Variants in CAPN5 observed in about 807,000 individuals in gnomAD.
CAPN5 encodes calpain-5.
In CAPN5, 54 loss-of-function variants were observed where a neutral mutation model predicts 73.0. The ratio of observed to expected loss-of-function variants is 0.74; its 90% CI spans 0.59 to 0.93. The LOEUF is 0.93. Ranked by LOEUF, CAPN5 falls within the 40% of genes least tolerant of loss-of-function variation. CAPN5 has a pLI of 0.00. For missense variants in CAPN5, 785 were observed against 882.9 expected (o/e 0.89, Z 1.41); for synonymous variants, 335 against 356.9 (o/e 0.94, Z 0.69).
At chr11:77,085,275 AC>A (rs1950074048) in intron 2 of CAPN5, among the ~76,000 whole-genome samples, 1 of 152,058 alleles carries the variant, frequency 6.6e-6, no homozygotes, top group Non-Finnish European at 1.5e-5. Context: ...CCAGGCCTTC[AC>A]CCTCTCAGGG....
Position 77,123,984 on chromosome 11 carries a change from G to C in CAPN5, c.*114G>C, listed in dbSNP as rs1428332687. 1.0e-6 allele frequency: 1 copy of C among 985,322 alleles called. No individual in the cohort carries two copies. Among genetic ancestry groups the C allele is most frequent in the African/African-American group, 1.6e-5 (1 of 61,674 alleles). 61.0% of individuals were successfully genotyped at this position (985,322 alleles called of 1,614,324 possible). On this transcript the variant is annotated 3_prime_UTR_variant, in exon 13 of 13. Coordinates refer to ENST00000648180, the MANE Select transcript of CAPN5 (RefSeq NM_004055.5). ...GGGGTCCTTTTCCCACTCTTCCACT[G>C]ACTTGCTGTGTGACCTTAGGAAGTC... is the stretch of plus-strand genomic sequence containing the variant.
chr11:77,118,850 C>G (rs1296094577), intron 8 of CAPN5, among the ~76,000 whole-genome samples, 180 bp from the exon 9 acceptor site: 1 of 152,234 alleles, frequency 6.6e-6, no homozygotes, highest in Non-Finnish European at 1.5e-5. Flanking sequence ...GTTTCCCCAG[C>G]CTTCATGCAG....
At chr11:77,078,951 A>G (rs146652092) in intron 1 of CAPN5, among the ~76,000 whole-genome samples, 28 of 152,284 alleles carry the variant, frequency 1.8e-4, no homozygotes, top group African/African-American at 6.0e-4. Context: ...CAGAATTTTT[A>G]TCATGAAAGG....
chr11:77,119,311 C>A, intron 9 of CAPN5, 159 bp downstream of exon 9: 2 of 789,674 alleles, frequency 2.5e-6, no homozygotes, highest in Non-Finnish European at 3.9e-6. Flanking sequence ...ATGGGCCCCA[C>A]TTGAATATTC....
intron 1 of CAPN5, among the ~76,000 whole-genome samples, chr11:77,079,375 T>C (rs1950005284): frequency 6.6e-6 from 1 of 152,202 alleles, no homozygotes; most frequent in African/African-American, 2.4e-5. Context: ...GGCTCTGCTT[T>C]TCTATTTTAT....
chr11:77,081,522 C>A (rs1168025233), intron 1 of CAPN5, among the ~76,000 whole-genome samples: 1 of 152,210 alleles, frequency 6.6e-6, no homozygotes, highest in African/African-American at 2.4e-5. Context: ...GACTGTCAGT[C>A]CTCAGGGCAC....
chr11:77,117,595 C>G (rs1555041977), intron 7 of CAPN5, among the ~76,000 whole-genome samples: 1 of 152,192 alleles, frequency 6.6e-6, no homozygotes, highest in Non-Finnish European at 1.5e-5. Flanking sequence ...AAAGGCCTTT[C>G]TCTTACATGT....
At chr11:77,103,909 G>T (rs2135459166) in intron 3 of CAPN5, among the ~76,000 whole-genome samples, 1 of 152,312 alleles carries the variant, frequency 6.6e-6, no homozygotes, top group African/African-American at 2.4e-5. Context: ...GCAGTGGAGA[G>T]TGGCTGGCAC....
intron 2 of CAPN5, among the ~76,000 whole-genome samples, chr11:77,088,889 G>A (rs1950120226): frequency 6.6e-6 from 1 of 152,194 alleles, no homozygotes; most frequent in Non-Finnish European, 1.5e-5. Flanking sequence ...GCTGGGATGG[G>A]CTGAGCAGGG....
At position 77,102,885 on chromosome 11, in the gene CAPN5, G is replaced by C. The variant is rs200579402; in HGVS notation, c.297+9072G>C. ...GCAGCCGCAGCTGGACATGCCGCTGGTCCTGGACCAGGGCCTGACCAGGCA... is the reference window on the plus strand; with the variant it reads ...GCAGCCGCAGCTGGACATGCCGCTGCTCCTGGACCAGGGCCTGACCAGGCA... On this transcript the variant is annotated intron_variant, in intron 3 of 12. Coordinates refer to ENST00000648180, the MANE Select transcript of CAPN5 (RefSeq NM_004055.5). The C allele has an allele frequency of 4.1e-4, 659 of 1,611,618 alleles. No homozygotes were observed. The highest frequency in any genetic ancestry group is 5.3e-4 in the Non-Finnish European group (622 of 1,179,650).
intron 3 of CAPN5, among the ~76,000 whole-genome samples, chr11:77,108,413 C>T (rs112774705): frequency 0.011 from 1,612 of 152,122 alleles, 24 homozygotes; most frequent in Non-Finnish European, 0.012. Context: ...GCCACATGTG[C>T]GTGGGGGAGG....
chr11:77,075,061 A>G (rs1209855068), intron 1 of CAPN5, among the ~76,000 whole-genome samples: 1 of 152,206 alleles, frequency 6.6e-6, no homozygotes, highest in Non-Finnish European at 1.5e-5. Flanking sequence ...TCCGCAAGAC[A>G]GCCGTGACCA....
rs782548343 is a variant in CAPN5 at position 77,122,629 on chromosome 11, G to A, written c.1657G>A (p.Val553Met). ...KCEGDKVRSA[V>M]QKGTSTPEYN... Reference sequence around the variant, plus strand: ...TGAGGGAGACAAAGTCCGCTCGGCTGTGCAGAAGGGCACCTCCACACCAGA... The same window carrying A: ...TGAGGGAGACAAAGTCCGCTCGGCTATGCAGAAGGGCACCTCCACACCAGA... Residue 553 changes from valine to methionine, a missense_variant, in exon 12 of 13, where the codon GTG (valine) becomes ATG (methionine). Transcript: ENST00000648180. 6.2e-7 allele frequency: 1 copy of A among 1,613,716 alleles called. No homozygotes were observed. Among genetic ancestry groups the A allele is most frequent in the East Asian group, 2.2e-5 (1 of 44,846 alleles).
chr11:77,102,649 T>C (rs1312225487), intron 3 of CAPN5, among the ~76,000 whole-genome samples: 1 of 152,170 alleles, frequency 6.6e-6, no homozygotes, highest in Non-Finnish European at 1.5e-5. Flanking sequence ...TGGAGGCAGA[T>C]GGGGACTCCC....
chr11:77,118,252 A>T lies in CAPN5; in HGVS notation c.1067A>T (p.Glu356Val). 4 of 1,614,108 alleles carry T rather than the reference A, an allele frequency of 2.5e-6. No homozygotes were observed. The highest frequency in any genetic ancestry group is 3.4e-6 in the Non-Finnish European group (4 of 1,180,020). Reference sequence around the variant, plus strand: ...CTGAGCATCCACAAGACGTGGGAGGAGGCCCGGCTGCATGGCGCCTGGACG... The same window carrying T: ...CTGAGCATCCACAAGACGTGGGAGGTGGCCCGGCTGCATGGCGCCTGGACG... ...SHLSIHKTWE[E>V]ARLHGAWTLH... Residue 356 changes from glutamate (E) to valine (V), a missense_variant, in exon 8 of 13, where the codon GAG (glutamate) becomes GTG (valine). Coordinates refer to ENST00000648180, the MANE Select transcript of CAPN5 (RefSeq NM_004055.5).
rs1555039075 is a variant in CAPN5 at position 77,102,796 on chromosome 11, A to C, written c.297+8983A>C. ...TCTTCTCTCCACGGCCCCAGGCTCCAGCCCACTTGGGTCCTTGGCGTTGGT... is the reference window on the plus strand; with the variant it reads ...TCTTCTCTCCACGGCCCCAGGCTCCCGCCCACTTGGGTCCTTGGCGTTGGT... On this transcript the variant is annotated intron_variant, in intron 3 of 12. Coordinates refer to ENST00000648180, the MANE Select transcript of CAPN5 (RefSeq NM_004055.5). 4.0e-6 allele frequency: 6 copies of C among 1,502,152 alleles called. No individual in the cohort carries two copies. In the South Asian group the frequency reaches 7.8e-5, roughly 20 times the overall value. The allele number at this position is 1,502,152 out of a possible 1,614,324, so 93.1% of individuals were successfully genotyped here. A position where few individuals can be genotyped will look rare whatever the true frequency, so the allele number is the denominator to read the frequency against.
intron 7 of CAPN5, 128 bp downstream of exon 7, chr11:77,116,431 C>T (rs541334955): frequency 9.5e-6 from 7 of 733,370 alleles, no homozygotes; most frequent in Admixed American, 8.2e-5. Flanking sequence ...GCTGTGTGGC[C>T]TTGGACAAGT....
Position 77,121,980 on chromosome 11 carries a change from T to G in CAPN5, c.1534T>G (p.Cys512Gly). ...EPPHTCWSSL[C>G]GYPQLVTQVH... ...CCCACACACCTGCTGGAGCTCCCTC[T>G]GTGGCTACCCCCAGCTGGTGACCCA... Residue 512 changes from cysteine to glycine, a missense_variant, in exon 11 of 13, where the codon TGT becomes GGT. By Grantham distance (159) the Cys-to-Gly change is radical (BLOSUM62 -3). Coordinates refer to ENST00000648180, the MANE Select transcript of CAPN5 (RefSeq NM_004055.5). 6.4e-7 allele frequency: 1 copy of G among 1,563,450 alleles called. No individual in the cohort carries two copies.
intron 3 of CAPN5, among the ~76,000 whole-genome samples, chr11:77,097,476 T>TTTG (rs1950223307): frequency 7.0e-6 from 1 of 142,840 alleles, no homozygotes; most frequent in South Asian, 2.3e-4. Flanking sequence ...TTTTTTTTTT[T>TTTG]TTTTTTTTTT....
Sources: allele counts gnomAD v4.1 joint callset (sites outside exome capture counted in the v4.1 genomes callset), GRCh38; gene constraint gnomAD v4.1.1; transcripts MANE v1.5; gene names NCBI Gene and HGNC (gene_info 2026-07-23, HGNC 2026-07-21).